SLC35A1: variants seen among roughly 807,000 people sequenced by gnomAD.
SLC35A1 encodes the protein CMP-sialic acid transporter.
In SLC35A1, 21 loss-of-function variants were observed where a neutral mutation model predicts 40.3. The observed-to-expected ratio is 0.52, with a 90% CI of 0.37 to 0.75. SLC35A1 has a LOEUF of 0.75. Ranked by LOEUF, SLC35A1 falls within the 30% of genes least tolerant of loss-of-function variation. SLC35A1 has a pLI of 0.00. For missense variants in SLC35A1, 297 were observed against 382.1 expected (o/e 0.78, Z 1.86); for synonymous variants, 146 against 147.3 (o/e 0.99, Z 0.06).
Position 87,511,640 on chromosome 6 carries a change from C to G in SLC35A1, c.*114C>G. On this transcript the variant is annotated 3_prime_UTR_variant, in exon 8 of 8. Coordinates refer to ENST00000369552, the MANE Select transcript of SLC35A1 (RefSeq NM_006416.5). Reference sequence around the variant, plus strand: ...ATAAAAATTAACTGTATGGCATGATCAGTGCGGTTATGTGGAAACAACAAC... The same window carrying G: ...ATAAAAATTAACTGTATGGCATGATGAGTGCGGTTATGTGGAAACAACAAC... 1.7e-6 allele frequency: 2 copies of G among 1,156,774 alleles called. No individual in the cohort carries two copies. Among genetic ancestry groups the G allele is most frequent in the South Asian group, 1.2e-5 (1 of 81,046 alleles). 71.7% of individuals were successfully genotyped at this position (1,156,774 alleles called of 1,614,324 possible).
chr6:87,476,745 G>A (rs1338260917), intron 1 of SLC35A1, among the ~76,000 whole-genome samples: 1 of 151,226 alleles, frequency 6.6e-6, no homozygotes, highest in African/African-American at 2.4e-5. Context: ...TAAAATATAT[G>A]TCTGGCACGG....
rs149686309 is a variant in SLC35A1 at position 87,509,462 on chromosome 6, T to C, written c.886+287T>C. Among the ~76,000 whole-genome samples the C allele has an allele frequency of 2.3e-4, 35 of 152,284 alleles. No homozygotes were observed. The East Asian group carries it at 6.7e-3, about 29-fold the overall frequency. ...CAAGGCCTCCCTGTATTTTTAGGTA[T>C]TGTATATAGGACAACTTGAGTGTCT... On this transcript the variant is annotated intron_variant, in intron 7 of 7. Coordinates refer to ENST00000369552, the MANE Select transcript of SLC35A1 (RefSeq NM_006416.5).
intron 2 of SLC35A1, among the ~76,000 whole-genome samples, chr6:87,497,814 A>T (rs1562023822): frequency 1.3e-5 from 2 of 151,860 alleles, no homozygotes; most frequent in Non-Finnish European, 2.9e-5. Flanking sequence ...CTGTAGCTTC[A>T]AACTCCTGGG....
At chr6:87,474,463 G>A (rs1268083448) in intron 1 of SLC35A1, among the ~76,000 whole-genome samples, 1 of 152,204 alleles carries the variant, frequency 6.6e-6, no homozygotes, top group East Asian at 1.9e-4. Context: ...TGAGAAGCAG[G>A]GAACAATGCA....
chr6:87,511,334 A>T, intron 7 of SLC35A1, 65 bp from the exon 8 acceptor site: 1 of 1,570,456 alleles, frequency 6.4e-7, no homozygotes, highest in Non-Finnish European at 8.7e-7. Context: ...TCAAAATTTT[A>T]AACTGATCAT....
intron 2 of SLC35A1, among the ~76,000 whole-genome samples, chr6:87,494,647 G>C (rs549672480): frequency 2.6e-5 from 4 of 151,908 alleles, no homozygotes; most frequent in African/African-American, 7.3e-5. Context: ...GAATGGCCTC[G>C]ATCTCCTGAC....
At chr6:87,484,064 T>C (rs1006865245) in intron 2 of SLC35A1, among the ~76,000 whole-genome samples, 17 of 152,190 alleles carry the variant, frequency 1.1e-4, no homozygotes, top group Admixed American at 3.3e-4. Flanking sequence ...AGTACTTTAC[T>C]GGCTCCCGTG....
intron 1 of SLC35A1, 46 bp from the exon 2 acceptor site, chr6:87,477,316 C>A: frequency 7.0e-7 from 1 of 1,426,900 alleles, no homozygotes; most frequent in Non-Finnish European, 9.8e-7. Context: ...CTTATATATA[C>A]ATATATTGTC....
intron 2 of SLC35A1, among the ~76,000 whole-genome samples, chr6:87,495,765 C>T (rs1202519087): frequency 1.3e-5 from 2 of 151,882 alleles, no homozygotes; most frequent in Non-Finnish European, 2.9e-5. Context: ...ATGCCATCCT[C>T]CTGCCTCAGC....
At chr6:87,481,108 C>A (rs75747298) in intron 2 of SLC35A1, among the ~76,000 whole-genome samples, 2,551 of 152,268 alleles carry the variant, frequency 0.017, 70 homozygotes, top group African/African-American at 0.056. Context: ...AGAAACTGAT[C>A]TTTTGTTTTA....
At position 87,506,357 on chromosome 6, in the gene SLC35A1, ATAACT is replaced by A. The variant is rs761662312; in HGVS notation, c.508-23_508-19del. 1.9e-5 allele frequency: 30 copies of A among 1,591,098 alleles called. No homozygotes were observed. Among genetic ancestry groups the A allele is most frequent in the Non-Finnish European group, 2.2e-5 (25 of 1,159,384 alleles). ...GAACTCTGTTTATTAGTCACTAAAA[ATAACT>A]TTAACAATTAATATTGCAGGTGGAA... On this transcript the variant is annotated intron_variant, in intron 4 of 7. Coordinates refer to ENST00000369552, the MANE Select transcript of SLC35A1 (RefSeq NM_006416.5).
chr6:87,502,436 C>T (rs1476971628), intron 4 of SLC35A1, among the ~76,000 whole-genome samples: 2 of 147,506 alleles, frequency 1.4e-5, no homozygotes, highest in Non-Finnish European at 2.9e-5. Context: ...GTTGTGCAAA[C>T]ATCATGGAGT....
Position 87,511,512 on chromosome 6 carries a change from G to T in SLC35A1, c.1000G>T (p.Val334Phe), listed in dbSNP as rs768492481. The change falls in exon 8 of 8, where the codon GTT (valine) becomes TTT (phenylalanine). Residue 334 changes from valine (V) to phenylalanine (F), a missense_variant. Physicochemically the swap from Val to Phe is conservative, Grantham distance 50. Coordinates refer to ENST00000369552, the MANE Select transcript of SLC35A1 (RefSeq NM_006416.5). ...QQGETASKER[V>F]IGV ...AGGAGAAACAGCTTCAAAGGAGAGAGTTATTGGTGTGTGATTTTAGCCTCA... is the reference window on the plus strand; with the variant it reads ...AGGAGAAACAGCTTCAAAGGAGAGATTTATTGGTGTGTGATTTTAGCCTCA... 1 of 1,614,018 alleles carries T rather than the reference G, an allele frequency of 6.2e-7. No homozygotes were observed. The highest frequency in any genetic ancestry group is 8.5e-7 in the Non-Finnish European group (1 of 1,179,968).
chr6:87,484,870 C>G (rs1269635088), intron 2 of SLC35A1, among the ~76,000 whole-genome samples: 1 of 152,170 alleles, frequency 6.6e-6, no homozygotes, highest in Non-Finnish European at 1.5e-5. Flanking sequence ...TCGTATCTAA[C>G]AGATGAATAA....
At chr6:87,501,120 C>A (rs1158829907) in intron 3 of SLC35A1, 38 bp from the exon 4 acceptor site, 1 of 1,515,536 alleles carries the variant, frequency 6.6e-7, no homozygotes, top group African/African-American at 1.4e-5. Flanking sequence ...CAGAGACTAA[C>A]ATTAACTGAA....
intron 3 of SLC35A1, 36 bp downstream of exon 3, chr6:87,500,703 C>T (rs141720970): frequency 6.3e-7 from 1 of 1,599,974 alleles, no homozygotes; most frequent in Non-Finnish European, 8.6e-7. Context: ...AGCACAGAAT[C>T]TTTTATGGTA....
intron 2 of SLC35A1, among the ~76,000 whole-genome samples, chr6:87,482,274 T>C (rs1292999862): frequency 7.3e-6 from 1 of 137,498 alleles, no homozygotes; most frequent in Non-Finnish European, 1.6e-5. Context: ...ATGATAACCA[T>C]TCTTTTCCAA....
intron 3 of SLC35A1, 150 bp downstream of exon 3, chr6:87,500,817 A>G: frequency 2.5e-6 from 2 of 790,426 alleles, no homozygotes; most frequent in Non-Finnish European, 4.0e-6. Context: ...ACGTGATCTC[A>G]GCTCACTGCA....
At chr6:87,501,654 C>G (rs1401536589) in intron 4 of SLC35A1, among the ~76,000 whole-genome samples, 1 of 152,158 alleles carries the variant, frequency 6.6e-6, no homozygotes, top group Non-Finnish European at 1.5e-5. Flanking sequence ...GTGCCAGTTT[C>G]CATACTGTAT....
Sources: allele counts gnomAD v4.1 joint callset (sites outside exome capture counted in the v4.1 genomes callset), GRCh38; gene constraint gnomAD v4.1.1; transcripts MANE v1.5; gene names NCBI Gene and HGNC (gene_info 2026-07-23, HGNC 2026-07-21).